SHB: variants seen among roughly 807,000 people sequenced by gnomAD.
The protein encoded by SHB is SH2 domain containing adaptor protein B.
Under a neutral mutation model 52.3 loss-of-function variants are expected in SHB, and 20 were observed. That is an observed-to-expected ratio of 0.38 (90% CI 0.27 to 0.56). The LOEUF (loss-of-function observed/expected upper bound fraction) is 0.56, where lower values mean the gene tolerates loss of function less well. SHB is among the 20% of genes least tolerant of loss of function. The probability of loss-of-function intolerance (pLI) is 0.71; values close to 1 mark genes in which losing one functional copy is unlikely to be tolerated. For missense variants in SHB, 825 were observed against 723.3 expected (o/e 1.14, Z -1.61); for synonymous variants, 397 against 316.5 (o/e 1.25, Z -2.70).
At chr9:38,012,990 T>C (rs1821159814) in intron 2 of SHB, among the ~76,000 whole-genome samples, 1 of 151,920 alleles carries the variant, frequency 6.6e-6, no homozygotes, top group African/African-American at 2.4e-5. Context: ...ATCTACGCAC[T>C]GATGGCTCAT....
At chr9:38,023,268 T>G (rs1821302904) in intron 1 of SHB, among the ~76,000 whole-genome samples, 1 of 152,224 alleles carries the variant, frequency 6.6e-6, no homozygotes, top group African/African-American at 2.4e-5. Context: ...GCTGGGTAAC[T>G]CCGTGCAACC....
At chr9:38,052,357 G>A (rs1041936290) in intron 1 of SHB, among the ~76,000 whole-genome samples, 4 of 152,288 alleles carry the variant, frequency 2.6e-5, no homozygotes, top group Middle Eastern at 3.4e-3. Flanking sequence ...AGCCATTCCC[G>A]GCTCAGACTC....
At chr9:37,932,499 A>G (rs1250018549) in intron 5 of SHB, among the ~76,000 whole-genome samples, 1 of 151,272 alleles carries the variant, frequency 6.6e-6, no homozygotes, top group Non-Finnish European at 1.5e-5. Context: ...ACCACAGGTA[A>G]TAAACAAATT....
At chr9:38,016,598 C>T (rs1363651609) in intron 1 of SHB, among the ~76,000 whole-genome samples, 7 of 152,200 alleles carry the variant, frequency 4.6e-5, no homozygotes, top group Non-Finnish European at 1.0e-4. Context: ...ATTAGCTCGG[C>T]GTTCCATTTC....
rs59247175 is a variant in SHB at position 37,982,094 on chromosome 9, TA to T, written c.839-7258del. On this transcript the variant is annotated intron_variant, in intron 2 of 5. Coordinates refer to ENST00000377707, the MANE Select transcript of SHB (RefSeq NM_003028.3). ...AAGGTTGCCACAAACCTTCATTTTG[TA>T]AAAAAAAAAAAAATGCAATACCTGC... is the stretch of plus-strand genomic sequence containing the variant. Among the ~76,000 whole-genome samples, 553 of 140,852 alleles carry T rather than the reference TA, an allele frequency of 3.9e-3. 2 individuals are homozygous for T. The highest frequency in any genetic ancestry group is 5.2e-3 in the South Asian group (23 of 4,428). The allele number at this position is 140,852 out of a possible 152,430, so 92.4% of individuals were successfully genotyped here.
At chr9:38,004,223 G>C (rs1006498300) in intron 2 of SHB, among the ~76,000 whole-genome samples, 1 of 152,230 alleles carries the variant, frequency 6.6e-6, no homozygotes, top group Admixed American at 6.5e-5. Context: ...GGGCATGAGA[G>C]CACAGGGCTT....
intron 1 of SHB, among the ~76,000 whole-genome samples, chr9:38,037,951 A>AT (rs201992499): frequency 0.013 from 1,917 of 152,226 alleles, 18 homozygotes; most frequent in Middle Eastern, 0.034. Flanking sequence ...CTCTAACAAG[A>AT]TTTTTTTTAA....
chr9:37,949,112 T>A (rs1473746640), intron 4 of SHB, among the ~76,000 whole-genome samples: 1 of 152,100 alleles, frequency 6.6e-6, no homozygotes, highest in Non-Finnish European at 1.5e-5. Context: ...CAGGGAAGCC[T>A]TCTCAAGGTG....
rs568003847 is a variant in SHB at position 38,004,882 on chromosome 9, C to A, written c.838+11129G>T. Reference sequence around the variant, plus strand: ...CCCCATTGGCCAGGGCAGAGGTGAGCCGGCCCAGCAGGCATGAGACCCAGT... The same window carrying A: ...CCCCATTGGCCAGGGCAGAGGTGAGACGGCCCAGCAGGCATGAGACCCAGT... On this transcript the variant is annotated intron_variant, in intron 2 of 5. Transcript: ENST00000377707. Among the ~76,000 whole-genome samples the A allele has an allele frequency of 5.9e-5, 9 of 152,330 alleles. No homozygotes were observed. The South Asian group carries it at 1.2e-3, about 21-fold the overall frequency.
At chr9:37,923,885 G>A (rs946599736) in intron 5 of SHB, among the ~76,000 whole-genome samples, 1 of 152,192 alleles carries the variant, frequency 6.6e-6, no homozygotes, top group Non-Finnish European at 1.5e-5. Flanking sequence ...CCAGAGCCCC[G>A]GCCCCGCATC....
chr9:38,014,528 C>A (rs1821185351), intron 2 of SHB, among the ~76,000 whole-genome samples: 2 of 152,350 alleles, frequency 1.3e-5, no homozygotes, highest in Middle Eastern at 3.4e-3. Flanking sequence ...AGCAGGCTGC[C>A]TTCCCTCAGG....
chr9:37,945,184 A>T (rs1165079779), intron 5 of SHB, among the ~76,000 whole-genome samples: 1 of 152,218 alleles, frequency 6.6e-6, no homozygotes, highest in Admixed American at 6.5e-5. Context: ...GCATAGCTGG[A>T]ATTCCAGTGT....
chr9:38,003,909 G>A (rs539756910), intron 2 of SHB, among the ~76,000 whole-genome samples: 201 of 152,358 alleles, frequency 1.3e-3, no homozygotes, highest in Non-Finnish European at 2.4e-3. Flanking sequence ...GTGTGGGGTG[G>A]TGAGGCTGTT....
Position 38,045,648 on chromosome 9 carries a change from A to G in SHB, c.717+22281T>C, listed in dbSNP as rs1316476882. ...AGCCACAACAATAAACAATTTGACA[A>G]CATATCAATTTCCTACCACTTTGTA... On this transcript the variant is annotated intron_variant, in intron 1 of 5. Transcript: ENST00000377707. Among the ~76,000 whole-genome samples the G allele has an allele frequency of 2.6e-5, 4 of 152,110 alleles. No individual in the cohort carries two copies. The East Asian group carries it at 7.7e-4, about 29-fold the overall frequency.
At chr9:37,942,856 C>T (rs989775671) in intron 5 of SHB, among the ~76,000 whole-genome samples, 2 of 151,952 alleles carry the variant, frequency 1.3e-5, no homozygotes, top group African/African-American at 2.4e-5. Context: ...CCCCAGCTCT[C>T]GGTCTGTGCC....
intron 5 of SHB, among the ~76,000 whole-genome samples, chr9:37,938,010 G>T (rs922144160): frequency 6.6e-6 from 1 of 152,194 alleles, no homozygotes; most frequent in African/African-American, 2.4e-5. Context: ...TTTACCACGT[G>T]AAGTTAGCTG....
intron 1 of SHB, among the ~76,000 whole-genome samples, chr9:38,050,781 G>A (rs1208638256): frequency 6.6e-6 from 1 of 152,104 alleles, no homozygotes; most frequent in Non-Finnish European, 1.5e-5. Flanking sequence ...GAAAACAGAT[G>A]TAATCAGAAG....
chr9:38,016,010 C>G lies in SHB; in HGVS notation c.838+1G>C. The G allele has an allele frequency of 6.2e-7, 1 of 1,614,120 alleles. No individual in the cohort carries two copies. Among genetic ancestry groups the G allele is most frequent in the Non-Finnish European group, 8.5e-7 (1 of 1,179,966 alleles). The stretch of plus-strand genomic sequence containing the variant: ...AGCCCCTGCGCTTCAGCTCCACTTA[C>G]CTGTCATGATCCTCTGTGCCTCATA... On this transcript the variant is annotated splice_donor_variant, in intron 2 of 5. Coordinates refer to ENST00000377707, the MANE Select transcript of SHB (RefSeq NM_003028.3). LOFTEE classifies it high-confidence loss of function.
chr9:37,945,421 G>A lies in SHB; in HGVS notation c.1346+3214C>T, dbSNP rs1167880365. Among the ~76,000 whole-genome samples the A allele has an allele frequency of 2.0e-5, 3 of 152,220 alleles. No homozygotes were observed. The East Asian group carries it at 5.8e-4, about 29-fold the overall frequency. On this transcript the variant is annotated intron_variant, in intron 5 of 5. Coordinates refer to ENST00000377707, the MANE Select transcript of SHB (RefSeq NM_003028.3). Reference sequence around the variant, plus strand: ...CCAGCAGCTGGACTGGCCATCGGGAGCTGGGGCTCCTCTGGGAAGCAAGTT... The same window carrying A: ...CCAGCAGCTGGACTGGCCATCGGGAACTGGGGCTCCTCTGGGAAGCAAGTT...
Sources: gnomAD v4.1 joint callset for allele counts (sites outside exome capture counted in the v4.1 genomes callset) on GRCh38, gnomAD v4.1.1 for gene constraint, MANE v1.5 for transcripts, NCBI Gene and HGNC (gene_info 2026-07-23, HGNC 2026-07-21) for gene names.